Variants in PKHD1L1 observed in about 807,000 individuals in gnomAD.
PKHD1L1 encodes PKHD1 like 1, also known as fibrocystin-L.
PKHD1L1 carries 434 observed loss-of-function variants against 462.9 expected under a neutral mutation model. The ratio of observed to expected loss-of-function variants is 0.94; its 90% CI spans 0.87 to 1.02. The LOEUF (loss-of-function observed/expected upper bound fraction) is 1.02, where lower values mean the gene tolerates loss of function less well. Ranked by LOEUF, PKHD1L1 falls within the 50% of genes least tolerant of loss-of-function variation. The pLI is 0.00. For synonymous variants in PKHD1L1, 1,781 were observed against 1,750.0 expected, an observed-to-expected ratio of 1.02 and a Z score of -0.44; for missense variants, 5,202 against 5,096.1, an observed-to-expected ratio of 1.02 and a Z score of -0.63.
At chr8:109,520,263 A>T (rs1030398621) in intron 73 of PKHD1L1, among the ~76,000 whole-genome samples, 2 of 152,008 alleles carry the variant, frequency 1.3e-5, no homozygotes, top group Non-Finnish European at 2.9e-5. Flanking sequence ...ACTCAGCATG[A>T]CTTTGCCTGT....
intron 55 of PKHD1L1, chr8:109,480,411 G>A (rs1586597131): frequency 4.7e-6 from 2 of 423,186 alleles, no homozygotes; most frequent in East Asian, 1.1e-4. Flanking sequence ...GTCATTATGA[G>A]GTCAGGCTAA....
intron 21 of PKHD1L1, among the ~76,000 whole-genome samples, chr8:109,416,245 T>C (rs979569327): frequency 6.6e-6 from 1 of 151,746 alleles, no homozygotes. Context: ...ATGATTGATG[T>C]CTTGTCCCAA....
chr8:109,536,809 A>G lies in PKHD1L1; in HGVS notation c.*6719A>G, dbSNP rs1821153975. On this transcript the variant is annotated 3_prime_UTR_variant, in exon 78 of 78. Transcript: ENST00000378402. ...AAAGTTACTGCTAATTGTAATAACA[A>G]TTATGAGGAAAAATTTATTTAAATG... Among the ~76,000 whole-genome samples, 1 of 152,226 alleles carries G rather than the reference A, an allele frequency of 6.6e-6. No individual in the cohort carries two copies. The highest frequency in any genetic ancestry group is 1.5e-5 in the Non-Finnish European group (1 of 68,026).
intron 48 of PKHD1L1, 59 bp downstream of exon 48, chr8:109,461,967 G>A (rs1254163910): frequency 1.3e-6 from 2 of 1,530,926 alleles, no homozygotes; most frequent in Non-Finnish European, 1.8e-6. Context: ...TACAAGAAAT[G>A]TGTGTTGAAC....
At chr8:109,474,956 A>G (rs1436242217) in intron 50 of PKHD1L1, among the ~76,000 whole-genome samples, 162 bp from the exon 51 acceptor site, 1 of 152,196 alleles carries the variant, frequency 6.6e-6, no homozygotes, top group Admixed American at 6.6e-5. Context: ...ATGAAATGCC[A>G]TATTAATCTT....
rs986047054 is a variant in PKHD1L1 at position 109,415,003 on chromosome 8, T to C, written c.2360+1458T>C. 3.6e-4 allele frequency among the ~76,000 whole-genome samples: 47 copies of C among 131,804 alleles called. 1 individual carries two copies. Among genetic ancestry groups the C allele is most frequent in the South Asian group, 2.4e-3 (9 of 3,778 alleles). 86.5% of individuals were successfully genotyped at this position (131,804 alleles called of 152,430 possible). Reference sequence around the variant, plus strand: ...TTATTATTATTATTATTATTATTATTATTATTATTTTTGAGACAGGGTCTG... The same window carrying C: ...TTATTATTATTATTATTATTATTATCATTATTATTTTTGAGACAGGGTCTG... On this transcript the variant is annotated intron_variant, in intron 21 of 77. Coordinates refer to ENST00000378402, the MANE Select transcript of PKHD1L1 (RefSeq NM_177531.6).
At chr8:109,406,269 C>G in intron 16 of PKHD1L1, 66 bp from the exon 17 acceptor site, 1 of 1,455,712 alleles carries the variant, frequency 6.9e-7, no homozygotes, top group Non-Finnish European at 9.2e-7. Flanking sequence ...TCAGTGTTGG[C>G]TGCAGTAGCT....
In PKHD1L1 at chr8:109,441,873, T is replaced by C. The variant is rs1447323951; in HGVS notation, c.4205-134T>C. On this transcript the variant is annotated intron_variant, in intron 34 of 77. Transcript: ENST00000378402. ...ATTTGTTTTTGTTAAGTGCTTAAAT[T>C]ATGTAAGTAATTAAGTTTTAGTGTT... The C allele has an allele frequency of 4.8e-6, 3 of 625,360 alleles. No individual in the cohort carries two copies. In the African/African-American group the frequency reaches 5.7e-5, roughly 12 times the overall value. The allele number at this position is 625,360 out of a possible 1,614,324, so 38.7% of individuals were successfully genotyped here.
chr8:109,391,847 A>G (rs897890107), intron 9 of PKHD1L1, among the ~76,000 whole-genome samples: 11 of 152,190 alleles, frequency 7.2e-5, no homozygotes, highest in African/African-American at 2.7e-4. Context: ...GTACACTATC[A>G]TTGTATTTAG....
chr8:109,480,361 C>G (rs1243307668), intron 55 of PKHD1L1, among the ~76,000 whole-genome samples: 1 of 152,014 alleles, frequency 6.6e-6, no homozygotes, highest in Non-Finnish European at 1.5e-5. Flanking sequence ...ATTCTTGAGT[C>G]TGCAGTTGGC....
At chr8:109,408,018 T>C (rs1399676468) in intron 17 of PKHD1L1, 31 bp from the exon 18 acceptor site, 2 of 1,508,090 alleles carry the variant, frequency 1.3e-6, no homozygotes, top group Admixed American at 3.8e-5. Flanking sequence ...TTAGTTAATG[T>C]CTACAAATTC....
chr8:109,396,951 T>G (rs1813010865), intron 11 of PKHD1L1, among the ~76,000 whole-genome samples: 1 of 152,226 alleles, frequency 6.6e-6, no homozygotes, highest in Non-Finnish European at 1.5e-5. Flanking sequence ...CCTCATGTAA[T>G]ATTTATACAG....
At chr8:109,407,229 A>G (rs973197329) in intron 17 of PKHD1L1, among the ~76,000 whole-genome samples, 4 of 152,128 alleles carry the variant, frequency 2.6e-5, no homozygotes, top group African/African-American at 9.7e-5. Context: ...GTCTCACTTT[A>G]TGTAATTGTT....
At position 109,530,881 on chromosome 8, in the gene PKHD1L1, GATGA is replaced by G. The variant is rs1324317174; in HGVS notation, c.*797_*800del. Among the ~76,000 whole-genome samples, 1 of 152,110 alleles carries G rather than the reference GATGA, an allele frequency of 6.6e-6. No individual in the cohort carries two copies. Among genetic ancestry groups the G allele is most frequent in the Non-Finnish European group, 1.5e-5 (1 of 68,020 alleles). ...GTGGATGCTTATTCACTGTTTACTG[GATGA>G]ATGAAGTATAAAGTGTGGGAAGTCA... On this transcript the variant is annotated 3_prime_UTR_variant, in exon 78 of 78. Transcript: ENST00000378402.
chr8:109,410,715 C>CT (rs1258360123), intron 19 of PKHD1L1, among the ~76,000 whole-genome samples: 28 of 90,894 alleles, frequency 3.1e-4, no homozygotes, highest in African/African-American at 1.5e-3. Context: ...TTTTTCTTTT[C>CT]TTTTCTTTTT....
chr8:109,525,158 C>T (rs1404083016), intron 76 of PKHD1L1, among the ~76,000 whole-genome samples: 14 of 152,136 alleles, frequency 9.2e-5, no homozygotes, highest in South Asian at 2.1e-4. Context: ...GATCAGACTG[C>T]GGCCTGACAG....
At chr8:109,519,033 T>A (rs1220641903) in intron 73 of PKHD1L1, among the ~76,000 whole-genome samples, 2 of 152,054 alleles carry the variant, frequency 1.3e-5, no homozygotes, top group African/African-American at 4.8e-5. Context: ...GTGGATGTTT[T>A]CTTAAGAAAA....
intron 2 of PKHD1L1, among the ~76,000 whole-genome samples, chr8:109,366,029 G>A (rs918461065): frequency 2.0e-5 from 3 of 152,090 alleles, no homozygotes; most frequent in Non-Finnish European, 2.9e-5. Flanking sequence ...TTCCAGACCT[G>A]AACATTTTCT....
chr8:109,407,289 A>C (rs905349978), intron 17 of PKHD1L1, among the ~76,000 whole-genome samples: 21 of 152,138 alleles, frequency 1.4e-4, no homozygotes, highest in Non-Finnish European at 2.5e-4. Context: ...CATGAATTTA[A>C]GTTTTAAAAA....
Sources: gnomAD v4.1 joint callset for allele counts (sites outside exome capture counted in the v4.1 genomes callset) on GRCh38, gnomAD v4.1.1 for gene constraint, MANE v1.5 for transcripts, NCBI Gene and HGNC (gene_info 2026-07-23, HGNC 2026-07-21) for gene names.